The following RGL1 variants were observed in gnomAD, a reference collection of about 807,000 sequenced individuals.
RGL1 encodes the protein ral guanine nucleotide dissociation stimulator-like 1.
In RGL1, 24 loss-of-function variants were observed where a neutral mutation model predicts 95.2. The observed-to-expected ratio is 0.25, with a 90% CI of 0.18 to 0.35. The LOEUF is 0.35. Ranked by LOEUF, RGL1 falls within the 10% of genes least tolerant of loss-of-function variation. RGL1 has a pLI of 1.00. For synonymous variants in RGL1, 329 were observed against 344.9 expected, an observed-to-expected ratio of 0.95 and a Z score of 0.51; for missense variants, 715 against 936.3, an observed-to-expected ratio of 0.76 and a Z score of 3.08.
intron 3 of RGL1, among the ~76,000 whole-genome samples, chr1:183,860,740 A>G (rs1665461866): frequency 6.6e-6 from 1 of 152,190 alleles, no homozygotes; most frequent in South Asian, 2.1e-4. Context: ...CTTAGTATAT[A>G]TTAACTAATT....
At chr1:183,756,501 A>G (rs1469388084) in intron 2 of RGL1, among the ~76,000 whole-genome samples, 1 of 152,242 alleles carries the variant, frequency 6.6e-6, no homozygotes, top group Non-Finnish European at 1.5e-5. Context: ...GGCACTGTGC[A>G]GTCAATGAAA....
At chr1:183,913,809 C>T (rs1418085790) in intron 15 of RGL1, among the ~76,000 whole-genome samples, 2 of 152,194 alleles carry the variant, frequency 1.3e-5, no homozygotes, top group Non-Finnish European at 2.9e-5. Flanking sequence ...CCAGGAAAAG[C>T]ATCATATTCA....
intron 3 of RGL1, among the ~76,000 whole-genome samples, chr1:183,856,101 C>T (rs1213764862): frequency 1.3e-5 from 2 of 152,118 alleles, no homozygotes; most frequent in Non-Finnish European, 2.9e-5. Context: ...GCTTTGCTTC[C>T]TTTCTAGCTT....
intron 2 of RGL1, among the ~76,000 whole-genome samples, chr1:183,742,589 T>C (rs558081923): frequency 1.3e-5 from 2 of 152,330 alleles, no homozygotes; most frequent in African/African-American, 4.8e-5. Flanking sequence ...TAGCTGTGGG[T>C]ATCCCGCTAG....
chr1:183,803,973 G>T (rs1661133634), upstream of RGL1, among the ~76,000 whole-genome samples: 1 of 152,150 alleles, frequency 6.6e-6, no homozygotes, highest in Admixed American at 6.5e-5. Context: ...CAGTGATGGT[G>T]CCCTTAGGTT....
Position 183,649,891 on chromosome 1 carries a change from G to A in RGL1, c.-33+13390G>A, listed in dbSNP as rs370833709. Among the ~76,000 whole-genome samples, 5 of 152,192 alleles carry A rather than the reference G, an allele frequency of 3.3e-5. No individual in the cohort carries two copies. The East Asian group carries it at 5.8e-4, about 18-fold the overall frequency. On this transcript the variant is annotated intron_variant, in intron 1 of 18. Transcript: ENST00000304685. ...CAGTGAGATGATCATGGCTCACTGT[G>A]GCCCCAACCTTCCGGGCTCAAGTGA...
intron 2 of RGL1, among the ~76,000 whole-genome samples, chr1:183,744,898 G>A (rs1657528482): frequency 6.6e-6 from 1 of 152,056 alleles, no homozygotes; most frequent in South Asian, 2.1e-4. Flanking sequence ...TAGACACCTG[G>A]AAGTGGCATG....
chr1:183,784,376 GC>G (rs1325859325), intron 2 of RGL1, among the ~76,000 whole-genome samples: 1 of 152,214 alleles, frequency 6.6e-6, no homozygotes, highest in African/African-American at 2.4e-5. Context: ...CAGTTAGCAG[GC>G]TCCAGCCGCT....
At chr1:183,780,721 G>A (rs559151328) in intron 2 of RGL1, among the ~76,000 whole-genome samples, 55 of 152,234 alleles carry the variant, frequency 3.6e-4, no homozygotes, top group African/African-American at 1.3e-3. Flanking sequence ...TCAGCGCGGT[G>A]GACTCTTTTG....
At chr1:183,846,842 T>C (rs1664477118) in intron 2 of RGL1, among the ~76,000 whole-genome samples, 1 of 152,024 alleles carries the variant, frequency 6.6e-6, no homozygotes, top group Non-Finnish European at 1.5e-5. Context: ...ATCACATCAC[T>C]GCACTCCAGC....
chr1:183,648,681 TG>T, intron 1 of RGL1: 1 of 1,614,200 alleles, frequency 6.2e-7, no homozygotes, highest in Non-Finnish European at 8.5e-7. Context: ...TGTTCGAATA[TG>T]GTAAGGACAA....
chr1:183,882,031 T>A lies in RGL1; in HGVS notation c.610+1231T>A, dbSNP rs79925887. Among the ~76,000 whole-genome samples the A allele has an allele frequency of 5.6e-3, 860 of 152,352 alleles. 6 individuals are homozygous for A. Among genetic ancestry groups the A allele is most frequent in the Non-Finnish European group, 8.4e-3 (574 of 68,038 alleles). On this transcript the variant is annotated intron_variant, in intron 5 of 17. Coordinates refer to ENST00000360851, the MANE Select transcript of RGL1 (RefSeq NM_001297671.3). ...CAACACAGGGACTGCAAGGCAGAGC[T>A]CATTTGGCAGGCTGAGGCAGGGGAG...
chr1:183,844,432 A>T (rs1664280076), intron 2 of RGL1, among the ~76,000 whole-genome samples: 1 of 152,222 alleles, frequency 6.6e-6, no homozygotes, highest in Admixed American at 6.5e-5. Context: ...CTCAGACTAA[A>T]GAGAAATCCA....
At chr1:183,648,059 A>G (rs1650434209) in intron 1 of RGL1, 12 of 1,614,254 alleles carry the variant, frequency 7.4e-6, no homozygotes, top group Non-Finnish European at 1.0e-5. Flanking sequence ...GGAGAAGAAC[A>G]TCAGTGAAGT....
chr1:183,911,399 A>G (rs1668632963), intron 14 of RGL1, among the ~76,000 whole-genome samples: 1 of 152,058 alleles, frequency 6.6e-6, no homozygotes, highest in Admixed American at 6.5e-5. Context: ...TTTTGGTTCT[A>G]ACTCCTCACC....
intron 17 of RGL1, among the ~76,000 whole-genome samples, chr1:183,924,788 A>C (rs1669517141): frequency 1.6e-5 from 2 of 127,658 alleles, no homozygotes; most frequent in South Asian, 4.9e-4. Context: ...TACTAAAAAT[A>C]CAAAAAAATA....
intron 1 of RGL1, among the ~76,000 whole-genome samples, chr1:183,655,618 G>T (rs1651100839): frequency 1.3e-5 from 2 of 152,216 alleles, no homozygotes; most frequent in African/African-American, 4.8e-5. Flanking sequence ...AGACGAAAAA[G>T]CAGAGGGTGG....
chr1:183,870,546 G>A lies in RGL1; in HGVS notation c.425+4473G>A, dbSNP rs146836858. On this transcript the variant is annotated intron_variant, in intron 4 of 17. Coordinates refer to ENST00000360851, the MANE Select transcript of RGL1 (RefSeq NM_001297671.3). Reference sequence around the variant, plus strand: ...TTCCTGCTTCTGCTATCTTGCTGACGCGTGCTGCTGGCGCAAGTGGCCTTG... The same window carrying A: ...TTCCTGCTTCTGCTATCTTGCTGACACGTGCTGCTGGCGCAAGTGGCCTTG... Among the ~76,000 whole-genome samples, 764 of 152,120 alleles carry A rather than the reference G, an allele frequency of 5.0e-3. 7 individuals carry two copies. The highest frequency in any genetic ancestry group is 0.013 in the African/African-American group (559 of 41,446).
At chr1:183,717,845 A>G (rs1160763737) in intron 1 of RGL1, among the ~76,000 whole-genome samples, 4 of 152,232 alleles carry the variant, frequency 2.6e-5, no homozygotes, top group Non-Finnish European at 5.9e-5. Flanking sequence ...AGGAAGTGGC[A>G]TTTGGTATGA....
Sources: gnomAD v4.1 joint callset for allele counts (sites outside exome capture counted in the v4.1 genomes callset) on GRCh38, gnomAD v4.1.1 for gene constraint, MANE v1.5 for transcripts, NCBI Gene and HGNC (gene_info 2026-07-23, HGNC 2026-07-21) for gene names.